The following FCHSD1 variants were observed in gnomAD, a reference collection of about 807,000 sequenced individuals.
FCHSD1 encodes the protein FCH and double SH3 domains 1, also known as F-BAR and double SH3 domains protein 1.
A neutral mutation model predicts 101.3 loss-of-function variants in FCHSD1; 109 were observed. That is an observed-to-expected ratio of 1.08 (90% CI 0.92 to 1.26). FCHSD1 has a LOEUF of 1.26. FCHSD1 is among the 50% of genes most tolerant of loss of function. The pLI, the probability that FCHSD1 is intolerant of heterozygous loss-of-function variation, is 0.00. For synonymous variants in FCHSD1, 291 were observed against 356.8 expected (o/e 0.82, Z 2.08); for missense variants, 820 against 895.8 (o/e 0.92, Z 1.08).
rs2099907489 is a variant in FCHSD1 at position 141,645,152 on chromosome 5, G to A, written c.1312-4C>T. 1 of 1,538,798 alleles carries A rather than the reference G, an allele frequency of 6.5e-7. No individual in the cohort carries two copies. The highest frequency in any genetic ancestry group is 1.4e-5 in the African/African-American group (1 of 72,540). On this transcript the variant is annotated splice_polypyrimidine_tract_variant and splice_region_variant and intron_variant, in intron 13 of 19. Transcript: ENST00000435817. ...CAGAAAGCTCAGCATCCTCAGCCTAGAGGGGCAAAGAACAGACCTCATATG... is the reference window on the plus strand; with the variant it reads ...CAGAAAGCTCAGCATCCTCAGCCTAAAGGGGCAAAGAACAGACCTCATATG...
At position 141,641,854 on chromosome 5, in the gene FCHSD1, A is replaced by C. The variant is rs1224089698; in HGVS notation, c.1952-97T>G. The C allele has an allele frequency of 3.2e-6, 4 of 1,260,306 alleles. No individual in the cohort carries two copies. The African/African-American group carries it at 4.4e-5, about 14-fold the overall frequency. The allele number at this position is 1,260,306 out of a possible 1,614,324, so 78.1% of individuals were successfully genotyped here. A position where few individuals can be genotyped will look rare whatever the true frequency, so the allele number is the denominator to read the frequency against. ...AGTGGCATTCTATAAATATTTGTTA[A>C]ATTAATGGTCACCATCCTAGACCAT... On this transcript the variant is annotated intron_variant, in intron 18 of 19. Transcript: ENST00000435817.
At chr5:141,646,276 C>T (rs1373343950) in intron 11 of FCHSD1, 85 bp from the exon 12 acceptor site, 2 of 1,211,088 alleles carry the variant, frequency 1.7e-6, no homozygotes, top group Non-Finnish European at 2.4e-6. Flanking sequence ...CTAGTTGCAT[C>T]ACATACATTA....
chr5:141,643,189 T>G, intron 17 of FCHSD1, 101 bp from the exon 18 acceptor site: 1 of 904,930 alleles, frequency 1.1e-6, no homozygotes, highest in Non-Finnish European at 1.6e-6. Context: ...CACTTCTCAA[T>G]ACAGGAAGTG....
Position 141,649,670 on chromosome 5 carries a change from A to G in FCHSD1, c.234-134T>C, listed in dbSNP as rs2099908124. On this transcript the variant is annotated intron_variant, in intron 4 of 19. Transcript: ENST00000435817. The surrounding 1 kb of genome is among the most constrained non-coding windows in gnomAD (Gnocchi z 4.1). Reference sequence around the variant, plus strand: ...TCCTCCCTTGTCTGGGAGCCCATCAATCGATCAGCCCATTAGCTCAGCCAC... The same window carrying G: ...TCCTCCCTTGTCTGGGAGCCCATCAGTCGATCAGCCCATTAGCTCAGCCAC... 1.1e-5 allele frequency: 14 copies of G among 1,321,190 alleles called. No individual in the cohort carries two copies. Among genetic ancestry groups the G allele is most frequent in the South Asian group, 4.4e-5 (3 of 68,454 alleles). 81.8% of individuals were successfully genotyped at this position (1,321,190 alleles called of 1,614,324 possible). A position where few individuals can be genotyped will look rare whatever the true frequency, so the allele number is the denominator to read the frequency against.
rs2099908102 is a variant in FCHSD1, at chr5:141,649,523, A to C, written c.247T>G (p.Phe83Val). The C allele has an allele frequency of 2.5e-6, 4 of 1,612,760 alleles. No individual in the cohort carries two copies. The highest frequency in any genetic ancestry group is 3.3e-4 in the Middle Eastern group (2 of 6,062). ...GEMDSRGRTV[F>V]GAWRCLLDAT... ...TCCAGCAGGCAGCGCCAGGCACCGA[A>C]CACTGTCCTGCCCCTCCCCAGAGAA... The change falls in exon 5 of 20, where the codon TTC becomes GTC. Residue 83 changes from phenylalanine to valine, a missense_variant. Transcript: ENST00000435817. This position sits in a 1 kb window ranked among gnomAD's most constrained non-coding sequence, Gnocchi z 4.1.
rs759876147 is a variant in FCHSD1, at chr5:141,649,474, G to A, written c.296C>T (p.Thr99Ile). The A allele has an allele frequency of 1.9e-6, 3 of 1,613,846 alleles. No individual in the cohort carries two copies. The highest frequency in any genetic ancestry group is 1.3e-5 in the African/African-American group (1 of 75,056). Residue 99 changes from threonine (T) to isoleucine (I), a missense_variant, in exon 5 of 20, where the codon ACC becomes ATC. Coordinates refer to ENST00000435817, the MANE Select transcript of FCHSD1 (RefSeq NM_033449.3). The surrounding 1 kb of genome is among the most constrained non-coding windows in gnomAD (Gnocchi z 4.1). ...LLDATVAGGQ[T>I]RLQASDRYRD... ...GTATCGGTCAGACGCCTGGAGTCGGGTTTGGCCCCCAGCCACGGTGGCATC... is the reference window on the plus strand; with the variant it reads ...GTATCGGTCAGACGCCTGGAGTCGGATTTGGCCCCCAGCCACGGTGGCATC...
Position 141,645,861 on chromosome 5 carries a change from C to T in FCHSD1, c.1221G>A (p.Leu407=), listed in dbSNP as rs775076023. ...CCTGGGCCTGGGTCATGGCTGGCTT[C>T]AGCCAGCGCTCCACATCTAAGCCAG... The part of the protein sequence containing the change: ...QGAGLDVERW[L]KPAMTQAQDE... The change falls in exon 13 of 20, where the codon CTG becomes CTA. Residue 407 remains leucine (L), a synonymous_variant. Coordinates refer to ENST00000435817, the MANE Select transcript of FCHSD1 (RefSeq NM_033449.3). The T allele has an allele frequency of 2.5e-6, 4 of 1,597,408 alleles. No individual in the cohort carries two copies. The highest frequency in any genetic ancestry group is 2.7e-5 in the African/African-American group (2 of 74,802).
At position 141,647,193 on chromosome 5, in the gene FCHSD1, TC is replaced by T. The variant is rs777646130; in HGVS notation, c.865del (p.Glu289SerfsTer44). On this transcript the variant is annotated frameshift_variant, in exon 10 of 20. Coordinates refer to ENST00000435817, the MANE Select transcript of FCHSD1 (RefSeq NM_033449.3). LOFTEE classifies it high-confidence loss of function. Reference sequence around the variant, plus strand: ...TGGGGTGGGGGAAAATACACCAGGCTCCTGAAGAAACAGCTTCAGGTCTTGC... The same window carrying T: ...TGGGGTGGGGGAAAATACACCAGGCTCTGAAGAAACAGCTTCAGGTCTTGC... ...WEQDLKLFLQ[E>X]PGVFSPTPPQ... The T allele has an allele frequency of 1.9e-6, 3 of 1,609,680 alleles. No homozygotes were observed. In the South Asian group the frequency reaches 3.3e-5, roughly 18 times the overall value.
intron 10 of FCHSD1, 143 bp downstream of exon 10, chr5:141,646,992 G>A (rs2099907749): frequency 2.2e-6 from 2 of 898,264 alleles, no homozygotes; most frequent in Middle Eastern, 2.4e-4. Context: ...GTGTCCTGTT[G>A]GGAGGGAGGT....
intron 11 of FCHSD1, 122 bp from the exon 12 acceptor site, chr5:141,646,313 G>C: frequency 1.9e-6 from 2 of 1,055,600 alleles, no homozygotes; most frequent in Non-Finnish European, 2.8e-6. Flanking sequence ...CTATGAGGTG[G>C]GTGCTATTAT....
rs1048336900 is a variant in FCHSD1, at chr5:141,640,997, A to G, written c.*501T>C. The G allele has an allele frequency of 1.2e-5, 5 of 427,158 alleles. No homozygotes were observed. In the Admixed American group the frequency reaches 1.2e-4, roughly 10 times the overall value. 26.5% of individuals were successfully genotyped at this position (427,158 alleles called of 1,614,324 possible). A position where few individuals can be genotyped will look rare whatever the true frequency, so the allele number is the denominator to read the frequency against. The stretch of plus-strand genomic sequence containing the variant: ...GTAGGCCCCCTGCCCTCTTAGCACA[A>G]GAGGCCCAGGCCCTGGCCTGGCCTT... On this transcript the variant is annotated 3_prime_UTR_variant, in exon 20 of 20. Transcript: ENST00000435817.
Position 141,644,709 on chromosome 5 carries a change from G to A in FCHSD1, c.1525-19C>T, listed in dbSNP as rs756756396. 9 of 1,613,446 alleles carry A rather than the reference G, an allele frequency of 5.6e-6. No homozygotes were observed. The African/African-American group carries it at 1.2e-4, about 22-fold the overall frequency. On this transcript the variant is annotated intron_variant, in intron 15 of 19. Coordinates refer to ENST00000435817, the MANE Select transcript of FCHSD1 (RefSeq NM_033449.3). ...TCCGAGCCTGCTCACCCAGCAATGT[G>A]AACAGATATTAGACTTACCTCAGCA...
At position 141,639,449 on chromosome 5, in the gene FCHSD1, C is replaced by G; in HGVS notation, c.*2049G>C. The G allele has an allele frequency of 6.3e-7, 1 of 1,588,706 alleles. No homozygotes were observed. Among genetic ancestry groups the G allele is most frequent in the South Asian group, 1.1e-5 (1 of 89,642 alleles). On this transcript the variant is annotated 3_prime_UTR_variant, in exon 20 of 20. Transcript: ENST00000435817. This position sits in a 1 kb window ranked among gnomAD's most constrained non-coding sequence, Gnocchi z 4.4. ...TGGAAATGTTACCCTCACTCCCCTC[C>G]TCCCTGCTGTCCAGTGTGGATGCCA...
chr5:141,651,167 C>T (rs2099908342), intron 1 of FCHSD1, 50 bp from the exon 2 acceptor site: 2 of 1,539,414 alleles, frequency 1.3e-6, no homozygotes, highest in African/African-American at 2.7e-5. Context: ...ACCTAAAAAA[C>T]ACTCCGCGCA....
intron 18 of FCHSD1, chr5:141,642,077 G>A (rs957494044): frequency 1.9e-6 from 1 of 513,852 alleles, no homozygotes; most frequent in South Asian, 2.4e-5. Context: ...AACTTGGGGT[G>A]GTGGAGATGG....
chr5:141,645,669 T>C, intron 13 of FCHSD1, 102 bp downstream of exon 13: 1 of 1,374,068 alleles, frequency 7.3e-7, no homozygotes, highest in Non-Finnish European at 9.8e-7. Context: ...GTAATAACCC[T>C]TTGAGTTAGG....
Position 141,644,280 on chromosome 5 carries a change from A to G in FCHSD1, c.1801T>C (p.Ser601Pro). 3 of 1,613,688 alleles carry G rather than the reference A, an allele frequency of 1.9e-6. No individual in the cohort carries two copies. Among genetic ancestry groups the G allele is most frequent in the Non-Finnish European group, 2.5e-6 (3 of 1,179,756 alleles). Residue 601 changes from serine (S) to proline (P), a missense_variant, in exon 17 of 20, where the codon TCC becomes CCC. Ser to Pro is a moderately conservative substitution (Grantham distance 74). Coordinates refer to ENST00000435817, the MANE Select transcript of FCHSD1 (RefSeq NM_033449.3). Reference protein sequence around the residue: ...EFGGRVGVFPSLLVEELLGPP... With the variant: ...EFGGRVGVFPPLLVEELLGPP... The stretch of plus-strand genomic sequence containing the variant: ...CCAAGCAGCTCTTCCACCAGCAGGG[A>G]GGGGAAGACCCCAACACGGCCCCCA...
At position 141,649,985 on chromosome 5, in the gene FCHSD1, C is replaced by T. The variant is rs1267259739; in HGVS notation, c.166-31G>A. On this transcript the variant is annotated intron_variant, in intron 3 of 19. Coordinates refer to ENST00000435817, the MANE Select transcript of FCHSD1 (RefSeq NM_033449.3). The surrounding 1 kb of genome is among the most constrained non-coding windows in gnomAD (Gnocchi z 4.1). ...GAAAAAGCCATCACAGAACCAAGTTCCCTTTCAAAGACCCACCCCAACTGG... is the reference window on the plus strand; with the variant it reads ...GAAAAAGCCATCACAGAACCAAGTTTCCTTTCAAAGACCCACCCCAACTGG... 3.9e-6 allele frequency: 6 copies of T among 1,524,040 alleles called. No individual in the cohort carries two copies. The Admixed American group carries it at 9.5e-5, about 24-fold the overall frequency. The allele number at this position is 1,524,040 out of a possible 1,614,324, so 94.4% of individuals were successfully genotyped here.
intron 8 of FCHSD1, 147 bp downstream of exon 8, chr5:141,647,821 C>G: frequency 8.2e-7 from 1 of 1,221,652 alleles, no homozygotes; most frequent in Admixed American, 2.5e-5. Flanking sequence ...CAGCTAGGAG[C>G]AGAACCAGAG....
Sources: gnomAD v4.1 joint callset for allele counts on GRCh38, gnomAD v4.1.1 for gene constraint, Gnocchi (gnomAD v3.1) non-coding constraint, MANE v1.5 for transcripts, NCBI Gene and HGNC (gene_info 2026-07-23, HGNC 2026-07-21) for gene names.